Variants in MACF1 observed in about 807,000 individuals in gnomAD.
MACF1 encodes the protein microtubule-actin cross-linking factor 1.
In MACF1, 193 loss-of-function variants were observed where a neutral mutation model predicts 854.8. The ratio of observed to expected loss-of-function variants is 0.23; its 90% CI spans 0.20 to 0.25. MACF1 has a LOEUF of 0.25. MACF1 is among the 10% of genes least tolerant of loss of function. The pLI, the probability that MACF1 is intolerant of heterozygous loss-of-function variation, is 1.00. For missense variants in MACF1, 7,722 were observed against 8,929.1 expected, an observed-to-expected ratio of 0.86 and a Z score of 5.45; for synonymous variants, 3,185 against 3,226.7, an observed-to-expected ratio of 0.99 and a Z score of 0.44.
intron 11 of MACF1, 107 bp downstream of exon 11, chr1:39,284,535 A>T (rs1295894656): frequency 1.6e-6 from 1 of 635,688 alleles, no homozygotes; most frequent in Non-Finnish European, 2.5e-6. Flanking sequence ...CATTAATAGA[A>T]GTACTCTCCT....
In MACF1 at chr1:39,105,049, C is replaced by T. The variant is rs1043467521; in HGVS notation, c.220+20611C>T. On this transcript the variant is annotated intron_variant, in intron 2 of 93. Coordinates refer to the MACF1 transcript ENST00000361689. This position sits in a 1 kb window ranked among gnomAD's most constrained non-coding sequence, Gnocchi z 5.9. ...GGGGCTCCCGCTCGCCCTGTGGAGC[C>T]GGCCCGGGTCTCCCTGCCGTTCGGC... Among the ~76,000 whole-genome samples the T allele has an allele frequency of 6.6e-6, 1 of 152,202 alleles. No homozygotes were observed. Among genetic ancestry groups the T allele is most frequent in the Non-Finnish European group, 1.5e-5 (1 of 68,020 alleles).
chr1:39,300,667 C>T (rs1440807549), intron 22 of MACF1, among the ~76,000 whole-genome samples: 2 of 152,114 alleles, frequency 1.3e-5, no homozygotes, highest in Non-Finnish European at 2.9e-5. Flanking sequence ...CTCTTATCCT[C>T]CACAGCTAAT....
intron 1 of MACF1, among the ~76,000 whole-genome samples, chr1:39,217,188 G>A (rs1370707503): frequency 6.6e-6 from 1 of 152,160 alleles, no homozygotes; most frequent in East Asian, 1.9e-4. Context: ...GAGAGACTAG[G>A]CTAAGTGCTT....
chr1:39,116,862 C>G (rs1642560792), intron 2 of MACF1, among the ~76,000 whole-genome samples: 2 of 152,196 alleles, frequency 1.3e-5, no homozygotes, highest in African/African-American at 2.4e-5. Flanking sequence ...TTCACTCACT[C>G]TCCATGAGTG....
chr1:39,458,443 T>A lies in MACF1; in HGVS notation c.21149T>A (p.Ile7050Lys). The A allele has an allele frequency of 3.1e-6, 5 of 1,614,060 alleles. No individual in the cohort carries two copies. Among genetic ancestry groups the A allele is most frequent in the Non-Finnish European group, 4.2e-6 (5 of 1,179,994 alleles). Residue 7050 changes from isoleucine to lysine, a missense_variant, in exon 90 of 101, where the codon ATA (isoleucine) becomes AAA (lysine). Ile to Lys is a moderately radical substitution (Grantham distance 102, BLOSUM62 -3). Transcript: ENST00000564288. ...ACCAAGACATACAAAAGGAAAAACATAGAGCCTACTCACGCGCCTTTCATA... is the reference window on the plus strand; with the variant it reads ...ACCAAGACATACAAAAGGAAAAACAAAGAGCCTACTCACGCGCCTTTCATA... ...RVTKTYKRKNIEPTHAPFIEK... is the reference protein window; with the variant it reads ...RVTKTYKRKNKEPTHAPFIEK...
At chr1:39,341,898 G>T (rs1272298294) in intron 40 of MACF1, among the ~76,000 whole-genome samples, 1 of 151,372 alleles carries the variant, frequency 6.6e-6, no homozygotes, top group Non-Finnish European at 1.5e-5. Flanking sequence ...ACCAGTTTCA[G>T]GAGATTTTTT....
At chr1:39,229,844 C>T (rs1472281876) in intron 1 of MACF1, among the ~76,000 whole-genome samples, 2 of 152,158 alleles carry the variant, frequency 1.3e-5, no homozygotes, top group Non-Finnish European at 2.9e-5. Context: ...TCAAGTGATC[C>T]TCCCACCCTC....
rs1641662731 is a variant in MACF1 at position 39,085,887 on chromosome 1, C to T, written c.220+1449C>T. 1.3e-5 allele frequency among the ~76,000 whole-genome samples: 2 copies of T among 152,150 alleles called. 1 individual carries two copies. Among genetic ancestry groups the T allele is most frequent in the South Asian group, 4.1e-4 (2 of 4,824 alleles). On this transcript the variant is annotated intron_variant, in intron 2 of 93. Coordinates refer to the MACF1 transcript ENST00000361689. ...GAGGGATGCATCTTGCAGGATGAAA[C>T]CACCACACTTTAATTTTCTTCTCTG...
rs897652017 is a variant in MACF1 at position 39,409,679 on chromosome 1, A to C, written c.15817-12695A>C. 1.3e-5 allele frequency: 2 copies of C among 152,380 alleles called. No individual in the cohort carries two copies. The highest frequency in any genetic ancestry group is 1.9e-4 in the East Asian group (1 of 5,202). 9.4% of individuals were successfully genotyped at this position (152,380 alleles called of 1,614,324 possible). The stretch of plus-strand genomic sequence containing the variant: ...CCGAATGAAGGACTTCCTGTGTTTA[A>C]AGTTGCAGGAATATCCGCCGACCAG... On this transcript the variant is annotated intron_variant, in intron 58 of 100. Transcript: ENST00000564288. The surrounding 1 kb of genome is among the most constrained non-coding windows in gnomAD (Gnocchi z 4.2).
rs1571270658 is a variant in MACF1, at chr1:39,287,411, C to A, written c.1634C>A (p.Ala545Glu). Reference protein sequence around the residue: ...PSTLTTTHLKAEPLTKATHSS... With the variant: ...PSTLTTTHLKEEPLTKATHSS... ...ACTTTAACCACCACTCATCTGAAAG[C>A]AGAACCCTTAACCAAGGCAACCCAT... The change falls in exon 15 of 101, where the codon GCA (alanine) becomes GAA (glutamate). Residue 545 changes from alanine (A) to glutamate (E), a missense_variant. Physicochemically the swap from Ala to Glu is moderately radical, Grantham distance 107. Around this residue, in one of 15 missense-constraint regions of MACF1, gnomAD observed 1,137 missense variants for 1,263.0 expected, o/e 0.90. Transcript: ENST00000564288. The A allele has an allele frequency of 2.5e-6, 4 of 1,614,182 alleles. No homozygotes were observed. The East Asian group carries it at 8.9e-5, about 36-fold the overall frequency.
chr1:39,291,899 T>G lies in MACF1; in HGVS notation c.1786-11T>G. The G allele has an allele frequency of 1.9e-6, 3 of 1,611,092 alleles. No individual in the cohort carries two copies. Among genetic ancestry groups the G allele is most frequent in the Non-Finnish European group, 2.5e-6 (3 of 1,179,112 alleles). ...GTAAATTATGTCATATATATATTTT[T>G]TCTTTTTCAGATGAAACTGGAGCGA... On this transcript the variant is annotated splice_polypyrimidine_tract_variant and intron_variant, in intron 15 of 100. Transcript: ENST00000564288.
chr1:39,412,513 G>A (rs541803925), intron 58 of MACF1: 1 of 1,613,982 alleles, frequency 6.2e-7, no homozygotes, highest in Admixed American at 1.7e-5. Context: ...GGTCTTCCAG[G>A]ATCTCCAGAG....
At chr1:39,410,816 A>C in intron 58 of MACF1, 1 of 1,614,022 alleles carries the variant, frequency 6.2e-7, no homozygotes, top group African/African-American at 1.3e-5. Context: ...CATTTGGACC[A>C]CAGGGAACCT....
intron 58 of MACF1, chr1:39,410,310 C>G: frequency 6.2e-7 from 1 of 1,612,188 alleles, no homozygotes; most frequent in South Asian, 1.1e-5. Context: ...GGCGGAACCC[C>G]AGCTGCCTGG....
intron 6 of MACF1, among the ~76,000 whole-genome samples, chr1:39,266,309 G>A (rs1277538053): frequency 6.6e-6 from 1 of 152,162 alleles, no homozygotes; most frequent in Admixed American, 6.5e-5. Flanking sequence ...GTGAAGGCCT[G>A]GTACCTGCCT....
chr1:39,192,147 T>C (rs1342376238), intron 2 of MACF1, among the ~76,000 whole-genome samples: 1 of 151,968 alleles, frequency 6.6e-6, no homozygotes, highest in Non-Finnish European at 1.5e-5. Context: ...CAAGACTCTG[T>C]CTCAAAAAAA....
chr1:39,348,934 G>A (rs1191773349), intron 41 of MACF1, among the ~76,000 whole-genome samples: 1 of 152,104 alleles, frequency 6.6e-6, no homozygotes, highest in East Asian at 1.9e-4. Flanking sequence ...TTCATGCCTG[G>A]CGTGTAATCA....
intron 2 of MACF1, among the ~76,000 whole-genome samples, chr1:39,158,521 C>T (rs1201264346): frequency 2.0e-5 from 3 of 152,210 alleles, no homozygotes; most frequent in Non-Finnish European, 4.4e-5. Context: ...TTGTGGTGAG[C>T]ATGGCCCTTT....
At chr1:39,242,402 G>A (rs1014330166) in intron 2 of MACF1, among the ~76,000 whole-genome samples, 3 of 150,964 alleles carry the variant, frequency 2.0e-5, no homozygotes, top group African/African-American at 7.3e-5. Context: ...TTAATGCTTG[G>A]GCACTGGGGA....
Sources: allele counts gnomAD v4.1 joint callset (sites outside exome capture counted in the v4.1 genomes callset), GRCh38; gene constraint gnomAD v4.1.1; regional missense constraint gnomAD v4.1.1; non-coding constraint Gnocchi (gnomAD v3.1); transcripts MANE v1.5; gene names NCBI Gene and HGNC (gene_info 2026-07-23, HGNC 2026-07-21).